The following ADAM32 variants were observed in gnomAD, a reference collection of about 807,000 sequenced individuals.
ADAM32 encodes disintegrin and metalloproteinase domain-containing protein 32.
A neutral mutation model predicts 114.9 loss-of-function variants in ADAM32; 89 were observed. The ratio of observed to expected loss-of-function variants is 0.77; its 90% CI spans 0.65 to 0.92. ADAM32 has a LOEUF of 0.92. ADAM32 is among the 40% of genes least tolerant of loss of function. The pLI, the probability that ADAM32 is intolerant of heterozygous loss-of-function variation, is 0.00. For missense variants in ADAM32, 870 were observed against 932.8 expected, an observed-to-expected ratio of 0.93 and a Z score of 0.88; for synonymous variants, 285 against 307.5, an observed-to-expected ratio of 0.93 and a Z score of 0.77.
chr8:39,195,204 C>T (rs1341852023), intron 11 of ADAM32, among the ~76,000 whole-genome samples: 1 of 152,158 alleles, frequency 6.6e-6, no homozygotes, highest in Non-Finnish European at 1.5e-5. Context: ...CCTAATGTCC[C>T]AGTCCCTCAG....
rs1809778783 is a variant in ADAM32, at chr8:39,232,131, T to C, written c.1630T>C (p.Trp544Arg). 6.3e-7 allele frequency: 1 copy of C among 1,589,078 alleles called. No homozygotes were observed. The highest frequency in any genetic ancestry group is 1.7e-5 in the Admixed American group (1 of 58,856). Residue 544 changes from tryptophan (W) to arginine (R), a missense_variant, in exon 15 of 25, where the codon TGG becomes CGG. By Grantham distance (101) the Trp-to-Arg change is moderately radical (BLOSUM62 -3). Coordinates refer to ENST00000379907, the MANE Select transcript of ADAM32 (RefSeq NM_145004.7). ...DRNNKYVFCG[W>R]RNLICGRLVC... ...AAATAACAAATATGTGTTCTGTGGA[T>C]GGAGGTATGCTCTACAAATATAAAT...
At chr8:39,235,969 A>G (rs1483637684) in intron 16 of ADAM32, among the ~76,000 whole-genome samples, 2 of 152,330 alleles carry the variant, frequency 1.3e-5, no homozygotes, top group South Asian at 4.1e-4. Flanking sequence ...TTAAACTAAA[A>G]ACAAGCTCTA....
intron 11 of ADAM32, among the ~76,000 whole-genome samples, chr8:39,189,283 A>G (rs1806449198): frequency 6.6e-6 from 1 of 152,186 alleles, no homozygotes; most frequent in African/African-American, 2.4e-5. Context: ...ATCTAATTTC[A>G]AAGCCTTGTT....
chr8:39,193,920 GGTGC>G (rs1806771742), intron 11 of ADAM32, among the ~76,000 whole-genome samples: 1 of 152,162 alleles, frequency 6.6e-6, no homozygotes, highest in Admixed American at 6.5e-5. Flanking sequence ...TCCAATAGGT[GGTGC>G]CAGCCAAAGT....
chr8:39,250,740 C>T (rs1041551028), intron 17 of ADAM32, among the ~76,000 whole-genome samples: 7 of 151,904 alleles, frequency 4.6e-5, no homozygotes, highest in African/African-American at 1.7e-4. Flanking sequence ...AAACTCTGGT[C>T]ATCCTACTGA....
chr8:39,202,239 T>C (rs899867198), intron 11 of ADAM32, among the ~76,000 whole-genome samples: 4 of 152,220 alleles, frequency 2.6e-5, no homozygotes, highest in African/African-American at 7.2e-5. Context: ...AGAATTTGGC[T>C]GTGAATCCAT....
At chr8:39,184,331 C>T (rs572903674) in intron 10 of ADAM32, among the ~76,000 whole-genome samples, 8 of 152,180 alleles carry the variant, frequency 5.3e-5, no homozygotes, top group African/African-American at 1.9e-4. Context: ...CCTATCATAA[C>T]ATGTCTCACT....
intron 2 of ADAM32, among the ~76,000 whole-genome samples, chr8:39,128,207 A>G (rs1334108770): frequency 1.3e-5 from 2 of 152,130 alleles, no homozygotes; most frequent in African/African-American, 4.8e-5. Flanking sequence ...TTGTGCCTGT[A>G]TTGGGTGCAT....
At chr8:39,112,491 T>C (rs1410518001) in intron 1 of ADAM32, among the ~76,000 whole-genome samples, 1 of 152,256 alleles carries the variant, frequency 6.6e-6, no homozygotes, top group Non-Finnish European at 1.5e-5. Flanking sequence ...TTTCCCATAC[T>C]TTCTTAAAGT....
intron 4 of ADAM32, among the ~76,000 whole-genome samples, chr8:39,148,448 G>A (rs1211871392): frequency 6.8e-6 from 1 of 148,020 alleles, no homozygotes; most frequent in Non-Finnish European, 1.5e-5. Context: ...ACTTTAAATT[G>A]GTCTCTTACT....
chr8:39,132,958 TTTC>T (rs1213326205), intron 2 of ADAM32, among the ~76,000 whole-genome samples: 1 of 152,364 alleles, frequency 6.6e-6, no homozygotes, highest in South Asian at 2.1e-4. Flanking sequence ...CTTGTATTTT[TTTC>T]TTCTTGAGGT....
In ADAM32 at chr8:39,257,302, G is replaced by C; in HGVS notation, c.2121G>C (p.Leu707Phe). The C allele has an allele frequency of 6.2e-7, 1 of 1,613,152 alleles. No homozygotes were observed. Among genetic ancestry groups the C allele is most frequent in the East Asian group, 2.2e-5 (1 of 44,850 alleles). Residue 707 changes from leucine (L) to phenylalanine (F), a missense_variant, in exon 19 of 25, where the codon TTG becomes TTC. Transcript: ENST00000379907. ...TTAIVLARKQ[L>F]KKWFAKEEEF... ...CAATAGTTTTGGCAAGGAAACAGTT[G>C]AAAAAGTGGTTCGCCAAGGAAGAGG...
At chr8:39,284,099 ATCT>A (rs1221786985) in intron 24 of ADAM32, among the ~76,000 whole-genome samples, 1 of 152,112 alleles carries the variant, frequency 6.6e-6, no homozygotes, top group East Asian at 1.9e-4. Flanking sequence ...CAAATGACCA[ATCT>A]TTATTAATCT....
chr8:39,216,453 T>G (rs1179451098), intron 12 of ADAM32, among the ~76,000 whole-genome samples: 1 of 151,946 alleles, frequency 6.6e-6, no homozygotes, highest in East Asian at 1.9e-4. Flanking sequence ...TTATTTGTCT[T>G]TCTTCTTCCT....
chr8:39,204,077 T>C (rs901576084), intron 11 of ADAM32, among the ~76,000 whole-genome samples: 5 of 152,220 alleles, frequency 3.3e-5, no homozygotes, highest in Non-Finnish European at 7.3e-5. Context: ...TTTTCCTTCA[T>C]TTCAACTTTG....
chr8:39,136,093 G>C (rs1802783173), intron 2 of ADAM32, among the ~76,000 whole-genome samples: 2 of 151,826 alleles, frequency 1.3e-5, no homozygotes, highest in South Asian at 4.2e-4. Context: ...GTTCCCTTTT[G>C]CTCTATAAAA....
intron 11 of ADAM32, among the ~76,000 whole-genome samples, chr8:39,196,020 T>C (rs1806960014): frequency 6.6e-6 from 1 of 152,196 alleles, no homozygotes; most frequent in African/African-American, 2.4e-5. Context: ...TTTTTTTATA[T>C]CTCTGTTTCG....
intron 11 of ADAM32, among the ~76,000 whole-genome samples, chr8:39,193,307 A>G (rs991439746): frequency 1.3e-5 from 2 of 152,110 alleles, no homozygotes; most frequent in African/African-American, 2.4e-5. Flanking sequence ...AATAGTTGCA[A>G]TTGCATTATG....
At position 39,117,351 on chromosome 8, in the gene ADAM32, AT is replaced by A. The variant is rs140850598; in HGVS notation, c.59-726del. On this transcript the variant is annotated intron_variant, in intron 1 of 24. Transcript: ENST00000379907. The stretch of plus-strand genomic sequence containing the variant: ...TTTTAGCCTTTAGTCTATATTTAAG[AT>A]TTTTTTTTCTCACTGTTAGGCATTT... Among the ~76,000 whole-genome samples, 151 of 150,288 alleles carry A rather than the reference AT, an allele frequency of 1.0e-3. 1 individual carries two copies. The highest frequency in any genetic ancestry group is 3.4e-3 in the African/African-American group (140 of 40,928).
Sources: allele counts gnomAD v4.1 joint callset (sites outside exome capture counted in the v4.1 genomes callset), GRCh38; gene constraint gnomAD v4.1.1; transcripts MANE v1.5; gene names NCBI Gene and HGNC (gene_info 2026-07-23, HGNC 2026-07-21).